The following ZFYVE26 variants were observed in gnomAD, a reference collection of about 807,000 sequenced individuals.
ZFYVE26 encodes the protein zinc finger FYVE domain-containing protein 26.
ZFYVE26 carries 181 observed loss-of-function variants against 276.5 expected under a neutral mutation model. That is an observed-to-expected ratio of 0.65 (90% confidence interval 0.58 to 0.74). The LOEUF is 0.74. Ranked by LOEUF, ZFYVE26 falls within the 30% of genes least tolerant of loss-of-function variation. The pLI is 0.00. For missense variants in ZFYVE26, 2,821 were observed against 3,097.9 expected, an observed-to-expected ratio of 0.91 and a Z score of 2.12; for synonymous variants, 1,129 against 1,203.1, an observed-to-expected ratio of 0.94 and a Z score of 1.27.
chr14:67,787,807 A>G (rs2039695677), intron 16 of ZFYVE26, among the ~76,000 whole-genome samples: 3 of 152,222 alleles, frequency 2.0e-5, no homozygotes, highest in South Asian at 2.1e-4. Context: ...ATTTTAACCA[A>G]CAGCTCAGAG....
chr14:67,785,032 A>G, intron 19 of ZFYVE26, 27 bp downstream of exon 19: 1 of 1,612,114 alleles, frequency 6.2e-7, no homozygotes, highest in South Asian at 1.1e-5. Context: ...TCTGCCATGA[A>G]TCTATTGCCT....
Position 67,807,479 on chromosome 14 carries a change from G to A in ZFYVE26, c.805C>T (p.Arg269Trp), listed in dbSNP as rs778438729. 2.1e-5 allele frequency: 34 copies of A among 1,613,998 alleles called. No individual in the cohort carries two copies. The highest frequency in any genetic ancestry group is 4.4e-5 in the South Asian group (4 of 91,086). Residue 269 changes from arginine to tryptophan, a missense_variant, in exon 5 of 42, where the codon CGG becomes TGG. Physicochemically the swap from Arg to Trp is moderately radical, Grantham distance 101 (BLOSUM62 -3). Transcript: ENST00000347230. The part of the protein sequence containing the change: ...LLSCLLHKAS[R>W]GLLSLYGHTY... The stretch of plus-strand genomic sequence containing the variant: ...TGGCCATACAGGGACAGCAGGCCCC[G>A]GCTGGCCTTGTGCAGCAGGCAGCTG...
At chr14:67,761,113 C>A in intron 35 of ZFYVE26, 1 of 645,218 alleles carries the variant, frequency 1.5e-6, no homozygotes, top group South Asian at 1.8e-5. Flanking sequence ...GATTCTGCTG[C>A]ATGTTTTGGC....
At chr14:67,790,142 G>C (rs1441357510) in intron 15 of ZFYVE26, among the ~76,000 whole-genome samples, 1 of 152,220 alleles carries the variant, frequency 6.6e-6, no homozygotes, top group Non-Finnish European at 1.5e-5. Context: ...TGCATCCAAG[G>C]TTGGGAAACT....
chr14:67,765,048 A>G (rs1355163473), intron 32 of ZFYVE26, among the ~76,000 whole-genome samples: 1 of 150,022 alleles, frequency 6.7e-6, no homozygotes, highest in African/African-American at 2.5e-5. Flanking sequence ...TCCTCCTCCT[A>G]TCCTTTTCTC....
At chr14:67,729,484 A>C in exon 14 of ZFYVE26, 1 of 1,188,136 alleles carries the variant, frequency 8.4e-7, no homozygotes, top group Non-Finnish European at 1.2e-6. Flanking sequence ...CTGATGATGC[A>C]ATCCAGGTTT....
At chr14:67,795,744 G>A (rs1399919519) in intron 12 of ZFYVE26, among the ~76,000 whole-genome samples, 1 of 152,100 alleles carries the variant, frequency 6.6e-6, no homozygotes, top group Non-Finnish European at 1.5e-5. Context: ...AAGCCTATAA[G>A]TGGAATCAAA....
At chr14:67,762,961 G>A in intron 32 of ZFYVE26, 142 bp from the exon 33 acceptor site, 1 of 1,216,724 alleles carries the variant, frequency 8.2e-7, no homozygotes, top group Admixed American at 2.0e-5. Flanking sequence ...GGAGTGCAGT[G>A]GTCCGATCTC....
chr14:67,774,523 T>A (rs1422286541), intron 27 of ZFYVE26, among the ~76,000 whole-genome samples: 2 of 149,790 alleles, frequency 1.3e-5, no homozygotes, highest in Admixed American at 6.7e-5. Flanking sequence ...GACCAGAAGA[T>A]GGGGATGGTA....
chr14:67,786,930 G>A (rs887058840), intron 16 of ZFYVE26, among the ~76,000 whole-genome samples: 2 of 152,162 alleles, frequency 1.3e-5, no homozygotes, highest in East Asian at 1.9e-4. Flanking sequence ...AGTGAAATAA[G>A]CCAGGCACAG....
chr14:67,776,085 G>A lies in ZFYVE26; in HGVS notation c.4996C>T (p.Gln1666Ter), dbSNP rs2039335667. The change falls in exon 26 of 42, where the codon CAG (glutamine) becomes TAG (stop). Residue 1666 changes from glutamine to a stop codon, truncating the protein, a stop_gained. Coordinates refer to ENST00000347230, the MANE Select transcript of ZFYVE26 (RefSeq NM_015346.4). LOFTEE classifies it high-confidence loss of function. Reference sequence around the variant, plus strand: ...AAGTGGGAATAGCTGGCCCGGTGCTGCTCAGGCAGGGTCAGCAGAATCTGT... The same window carrying A: ...AAGTGGGAATAGCTGGCCCGGTGCTACTCAGGCAGGGTCAGCAGAATCTGT... ...GSKILLTLPEQHRASYSHLSS... is the reference protein window; with the variant it reads ...GSKILLTLPE The A allele has an allele frequency of 6.2e-7, 1 of 1,614,196 alleles. No individual in the cohort carries two copies. Among genetic ancestry groups the A allele is most frequent in the Admixed American group, 1.7e-5 (1 of 60,024 alleles).
In ZFYVE26 at chr14:67,753,748, T is replaced by G. The variant is rs2038707498; in HGVS notation, c.7147A>C (p.Asn2383His). The G allele has an allele frequency of 6.2e-7, 1 of 1,613,634 alleles. No homozygotes were observed. The highest frequency in any genetic ancestry group is 1.7e-5 in the Admixed American group (1 of 59,982). Residue 2383 changes from asparagine to histidine, a missense_variant, in exon 39 of 42, where the codon AAT becomes CAT. Physicochemically the swap from Asn to His is moderately conservative, Grantham distance 68. Coordinates refer to ENST00000347230, the MANE Select transcript of ZFYVE26 (RefSeq NM_015346.4). ...GCAATTCCAAAACCATCTTCTACAT[T>G]TTTCCCTCCCAGCATGACCTGAAAA... ...VACKVMLGGK[N>H]VEDGFGIAFR...
chr14:67,766,564 A>T, intron 31 of ZFYVE26, 117 bp from the exon 32 acceptor site: 2 of 926,092 alleles, frequency 2.2e-6, no homozygotes, highest in Non-Finnish European at 3.4e-6. Context: ...AAGACCCTGG[A>T]AGAAGGAACC....
intron 31 of ZFYVE26, 91 bp downstream of exon 31, chr14:67,767,604 CAAGTAAAGG>C (rs2039091502): frequency 6.6e-7 from 1 of 1,520,110 alleles, no homozygotes; most frequent in Admixed American, 1.7e-5. Context: ...GCACTATAAA[CAAGTAAAGG>C]CCAGGTGTGT....
At chr14:67,779,489 G>C (rs995623674) in intron 23 of ZFYVE26, among the ~76,000 whole-genome samples, 8 of 152,160 alleles carry the variant, frequency 5.3e-5, no homozygotes, top group Non-Finnish European at 2.9e-5. Context: ...CTGAACCCGG[G>C]AGGCGGAGGT....
rs1368208949 is a variant in ZFYVE26, at chr14:67,793,687, A to T, written c.2474T>A (p.Leu825His). 1.2e-6 allele frequency: 2 copies of T among 1,613,890 alleles called. No individual in the cohort carries two copies. Among genetic ancestry groups the T allele is most frequent in the East Asian group, 4.5e-5 (2 of 44,866 alleles). The change falls in exon 14 of 42, where the codon CTC (leucine) becomes CAC (histidine). Residue 825 changes from leucine (L) to histidine (H), a missense_variant. Physicochemically the swap from Leu to His is moderately conservative, Grantham distance 99. Transcript: ENST00000347230. Reference protein sequence around the residue: ...SRLHPHPQSSLIPMMFSPPES... With the variant: ...SRLHPHPQSSHIPMMFSPPES... ...AGGTGGGGAGAACATCATGGGGATG[A>T]GTGAACTTTGAGGATGGGGGTGCAA... is the stretch of plus-strand genomic sequence containing the variant.
Position 67,783,406 on chromosome 14 carries a change from A to T in ZFYVE26, c.3746T>A (p.Leu1249His), listed in dbSNP as rs1380682145. 6.2e-7 allele frequency: 1 copy of T among 1,614,134 alleles called. No homozygotes were observed. Residue 1249 changes from leucine (L) to histidine (H), a missense_variant, in exon 21 of 42, where the codon CTC becomes CAC. Transcript: ENST00000347230. ...GGCCAGAGTACCCAGACGAGTCAGGAGGGAGGAGGTCTGCTGGCTTTGCCG... is the reference window on the plus strand; with the variant it reads ...GGCCAGAGTACCCAGACGAGTCAGGTGGGAGGAGGTCTGCTGGCTTTGCCG... ...SSRQSQQTSS[L>H]LTRLGTLAQL...
At chr14:67,738,201 A>G (rs1476533869) in intron 13 of ZFYVE26, among the ~76,000 whole-genome samples, 1 of 151,964 alleles carries the variant, frequency 6.6e-6, no homozygotes, top group Non-Finnish European at 1.5e-5. Context: ...CTGCAGTAAC[A>G]TTAGCCTATG....
intron 34 of ZFYVE26, 111 bp from the exon 35 acceptor site, chr14:67,761,695 T>C: frequency 1.1e-6 from 1 of 872,572 alleles, no homozygotes; most frequent in Admixed American, 2.0e-5. Flanking sequence ...ACATGGCACA[T>C]GTATACATAT....
Sources: gnomAD v4.1 joint callset for allele counts (sites outside exome capture counted in the v4.1 genomes callset) on GRCh38, gnomAD v4.1.1 for gene constraint, MANE v1.5 for transcripts, NCBI Gene and HGNC (gene_info 2026-07-23, HGNC 2026-07-21) for gene names.